FBN2: variants seen among roughly 807,000 people sequenced by gnomAD.
The protein encoded by FBN2 is fibrillin-2.
In FBN2, 105 loss-of-function variants were observed where a neutral mutation model predicts 355.6. The ratio of observed to expected loss-of-function variants is 0.30; its 90% CI spans 0.25 to 0.35. The LOEUF is 0.35. Among genes scored for constraint, FBN2 ranks in the 10% least tolerant of loss-of-function variants. The probability of loss-of-function intolerance (pLI) is 1.00; values close to 1 mark genes in which losing one functional copy is unlikely to be tolerated. For synonymous variants in FBN2, 1,350 were observed against 1,301.2 expected (o/e 1.04, Z -0.81); for missense variants, 3,280 against 3,758.7 (o/e 0.87, Z 3.33).
intron 20 of FBN2, among the ~76,000 whole-genome samples, chr5:128,353,542 CAG>C (rs1581236425): frequency 6.6e-6 from 1 of 152,156 alleles, no homozygotes; most frequent in Non-Finnish European, 1.5e-5. Flanking sequence ...ACAGAGGAAA[CAG>C]AGATGTTTGT....
chr5:128,321,884 G>T (rs1243951451), intron 34 of FBN2, among the ~76,000 whole-genome samples: 1 of 152,110 alleles, frequency 6.6e-6, no homozygotes, highest in African/African-American at 2.4e-5. Context: ...CTCCACAATG[G>T]TTGAACTAAT....
chr5:128,284,405 GCATAAAACCAAATTCTTTTC>G (rs1472125447), intron 55 of FBN2, among the ~76,000 whole-genome samples: 1 of 152,132 alleles, frequency 6.6e-6, no homozygotes, highest in Non-Finnish European at 1.5e-5. Context: ...AACACTTTTA[GCATAAAACCAAATTCTTTTC>G]CATGGTATTT....
At chr5:128,498,172 G>T (rs1009943722) in intron 5 of FBN2, among the ~76,000 whole-genome samples, 4 of 152,184 alleles carry the variant, frequency 2.6e-5, no homozygotes, top group Non-Finnish European at 5.9e-5. Context: ...CATTCTGAAG[G>T]TTGACACCAT....
intron 6 of FBN2, among the ~76,000 whole-genome samples, chr5:128,449,723 C>CCATTAAAA (rs1754188544): frequency 6.6e-6 from 1 of 151,468 alleles, no homozygotes; most frequent in Non-Finnish European, 1.5e-5. Flanking sequence ...TATGAGATGT[C>CCATTAAAA]AGTGGTACGA....
chr5:128,505,190 T>C (rs1046856999), intron 5 of FBN2, among the ~76,000 whole-genome samples: 4 of 152,216 alleles, frequency 2.6e-5, no homozygotes, highest in Non-Finnish European at 5.9e-5. Flanking sequence ...TATGTCTTTA[T>C]TAGCAGTGGC....
At chr5:128,420,151 T>C (rs1000500853) in intron 7 of FBN2, among the ~76,000 whole-genome samples, 1 of 152,190 alleles carries the variant, frequency 6.6e-6, no homozygotes, top group African/African-American at 2.4e-5. Context: ...CTTATTTTAC[T>C]TGGGAGAGAG....
intron 5 of FBN2, among the ~76,000 whole-genome samples, chr5:128,478,207 T>C (rs1366772258): frequency 1.3e-5 from 2 of 152,188 alleles, no homozygotes; most frequent in Admixed American, 6.5e-5. Flanking sequence ...AGTGGTGCTG[T>C]TGGACTTCAG....
At chr5:128,285,537 AAAAAGT>A (rs60393319) in intron 55 of FBN2, among the ~76,000 whole-genome samples, 5,943 of 152,226 alleles carry the variant, frequency 0.039, 392 homozygotes, top group African/African-American at 0.13. Flanking sequence ...CTTTTCTTTG[AAAAAGT>A]AAGTTCAGAG....
chr5:128,446,658 T>A (rs1295932734), intron 6 of FBN2, 52 bp from the exon 7 acceptor site: 3 of 1,593,150 alleles, frequency 1.9e-6, no homozygotes, highest in Non-Finnish European at 2.6e-6. Context: ...TCAGAATATC[T>A]ATACTTTTTT....
At chr5:128,275,314 C>T (rs1765364022) in intron 59 of FBN2, among the ~76,000 whole-genome samples, 1 of 151,944 alleles carries the variant, frequency 6.6e-6, no homozygotes, top group Admixed American at 6.6e-5. Context: ...TATTTTACAG[C>T]TTAAAAAACG....
At chr5:128,527,989 A>C in intron 3 of FBN2, 22 bp from the exon 4 acceptor site, 6 of 1,541,940 alleles carry the variant, frequency 3.9e-6, no homozygotes, top group Non-Finnish European at 5.4e-6. Flanking sequence ...AATAACAAAA[A>C]GTATAAAAAC....
At chr5:128,413,928 T>A (rs557086555) in intron 7 of FBN2, among the ~76,000 whole-genome samples, 1 of 152,318 alleles carries the variant, frequency 6.6e-6, no homozygotes, top group East Asian at 1.9e-4. Flanking sequence ...ATTCGTATAC[T>A]GTTTGACACT....
chr5:128,420,689 CAATAGTT>C (rs1753323062), intron 7 of FBN2, among the ~76,000 whole-genome samples: 1 of 152,032 alleles, frequency 6.6e-6, no homozygotes, highest in South Asian at 2.1e-4. Context: ...TAAAAAGAAA[CAATAGTT>C]AATGAAAATT....
intron 5 of FBN2, among the ~76,000 whole-genome samples, chr5:128,507,523 T>C (rs1468048300): frequency 6.6e-6 from 1 of 152,104 alleles, no homozygotes; most frequent in African/African-American, 2.4e-5. Context: ...TACTGTTATT[T>C]TTATTGTTAT....
chr5:128,289,285 T>C (rs764436159), intron 51 of FBN2, 33 bp from the exon 52 acceptor site: 1 of 1,612,294 alleles, frequency 6.2e-7, no homozygotes, highest in Non-Finnish European at 8.5e-7. Flanking sequence ...AATTTCCTCA[T>C]ATAAAAAGAT....
chr5:128,270,644 G>T (rs1023358127), intron 62 of FBN2, among the ~76,000 whole-genome samples: 4 of 152,200 alleles, frequency 2.6e-5, no homozygotes, highest in Non-Finnish European at 5.9e-5. Flanking sequence ...AGCCAAAATT[G>T]ACAAATGGGA....
chr5:128,500,880 T>TA (rs1561487245), intron 5 of FBN2, among the ~76,000 whole-genome samples: 1 of 151,328 alleles, frequency 6.6e-6, no homozygotes, highest in Non-Finnish European at 1.5e-5. Context: ...AAAACAAAAA[T>TA]AAAAAAACAG....
chr5:128,448,354 G>C (rs1233012222), intron 6 of FBN2, among the ~76,000 whole-genome samples: 2 of 151,672 alleles, frequency 1.3e-5, no homozygotes. Flanking sequence ...GCCCAGGCTG[G>C]AGTGTGCAGT....
intron 4 of FBN2, among the ~76,000 whole-genome samples, chr5:128,526,111 C>A (rs1444967126): frequency 6.6e-6 from 1 of 151,938 alleles, no homozygotes; most frequent in Non-Finnish European, 1.5e-5. Context: ...AACTTTATAG[C>A]ACTTATAAAT....
Sources: allele counts gnomAD v4.1 joint callset (sites outside exome capture counted in the v4.1 genomes callset), GRCh38; gene constraint gnomAD v4.1.1; transcripts MANE v1.5; gene names NCBI Gene and HGNC (gene_info 2026-07-23, HGNC 2026-07-21).